Variants in UBE2J2 observed in about 807,000 individuals in gnomAD.
The protein encoded by UBE2J2 is ubiquitin conjugating enzyme E2 J2.
UBE2J2 carries 5 observed loss-of-function variants against 28.6 expected under a neutral mutation model. That is an observed-to-expected ratio of 0.17 (90% CI 0.09 to 0.37). The LOEUF (loss-of-function observed/expected upper bound fraction) is 0.37. UBE2J2 is among the 10% of genes least tolerant of loss of function. The pLI is 1.00. For missense variants in UBE2J2, 226 were observed against 338.9 expected (o/e 0.67, Z 2.62); for synonymous variants, 138 against 139.7 (o/e 0.99, Z 0.09).
At chr1:1,267,354 A>G (rs1489818489) in intron 2 of UBE2J2, among the ~76,000 whole-genome samples, 2 of 152,182 alleles carry the variant, frequency 1.3e-5, no homozygotes, top group Admixed American at 6.5e-5. Context: ...GGGTCGGGGC[A>G]CCTGGCCCAA....
intron 5 of UBE2J2, among the ~76,000 whole-genome samples, chr1:1,256,601 G>A (rs990450220): frequency 1.3e-5 from 2 of 152,178 alleles, no homozygotes; most frequent in African/African-American, 2.4e-5. Flanking sequence ...AGGCAGCTGC[G>A]GCCGGGCGCG....
chr1:1,267,806 G>A, intron 2 of UBE2J2, 56 bp downstream of exon 2: 3 of 1,597,218 alleles, frequency 1.9e-6, no homozygotes, highest in Non-Finnish European at 2.6e-6. Flanking sequence ...GGGGCCGGCA[G>A]AGGCCTGCGT....
chr1:1,273,346 C>A (rs1640261353), intron 1 of UBE2J2: 1 of 152,222 alleles, frequency 6.6e-6, no homozygotes, highest in Non-Finnish European at 1.5e-5. Flanking sequence ...AGCCCTCCCC[C>A]GACACAGACT....
At chr1:1,257,377 C>G in intron 3 of UBE2J2, 67 bp from the exon 4 acceptor site, 1 of 834,618 alleles carries the variant, frequency 1.2e-6, no homozygotes, top group African/African-American at 2.8e-5. Flanking sequence ...AGACCTCGTC[C>G]CCATCCCCCC....
At chr1:1,260,069 G>GCTGCAGCTTCCTCTCTGCACT (rs909870262) in intron 3 of UBE2J2, among the ~76,000 whole-genome samples, 16 of 152,330 alleles carry the variant, frequency 1.1e-4, no homozygotes, top group African/African-American at 3.8e-4. Flanking sequence ...GCAGGGGGAC[G>GCTGCAGCTTCCTCTCTGCACT]CTGCAGCTTC....
At chr1:1,271,095 C>T (rs969378372) in intron 1 of UBE2J2, among the ~76,000 whole-genome samples, 4 of 152,264 alleles carry the variant, frequency 2.6e-5, no homozygotes, top group Non-Finnish European at 5.9e-5. Context: ...CCACACACAA[C>T]GCAGGGCCCT....
chr1:1,273,003 G>T, intron 1 of UBE2J2: 1 of 152,592 alleles, frequency 6.6e-6, no homozygotes, highest in Non-Finnish European at 1.5e-5. Flanking sequence ...TTCCTATCTG[G>T]GTCTGGCAAG....
chr1:1,264,986 C>CA lies in UBE2J2; in HGVS notation c.132-1601dup, dbSNP rs145966384. On this transcript the variant is annotated intron_variant, in intron 2 of 6. Coordinates refer to ENST00000349431, the MANE Select transcript of UBE2J2 (RefSeq NM_058167.3). ...GCAGAGCCAGCTGGTATGTTTTACT[C>CA]AAAAAATGCCATTATCATGTGTCAT... is the stretch of plus-strand genomic sequence containing the variant. Among the ~76,000 whole-genome samples, 199 of 152,256 alleles carry CA rather than the reference C, an allele frequency of 1.3e-3. 3 individuals are homozygous for CA. In the East Asian group the frequency reaches 0.036, roughly 28 times the overall value.
rs1237395619 is a variant in UBE2J2, at chr1:1,265,591, GTTTT to G, written c.132-2209_132-2206del. Among the ~76,000 whole-genome samples the G allele has an allele frequency of 5.2e-4, 73 of 141,326 alleles. No homozygotes were observed. In the East Asian group the frequency reaches 0.014, roughly 28 times the overall value. 92.7% of individuals were successfully genotyped at this position (141,326 alleles called of 152,430 possible). On this transcript the variant is annotated intron_variant, in intron 2 of 6. Transcript: ENST00000349431. ...TGTGTGTGTGTGTGTGTGTGTGTGT[GTTTT>G]CTCTCCATTGTGTGTGTGTGTGTGT...
intron 3 of UBE2J2, among the ~76,000 whole-genome samples, chr1:1,261,839 A>C (rs746859846): frequency 6.6e-6 from 1 of 151,038 alleles, no homozygotes; most frequent in Non-Finnish European, 1.5e-5. Flanking sequence ...TAGTAGAGAC[A>C]AGGTTTCACC....
At chr1:1,272,463 T>C (rs1640201931) in intron 1 of UBE2J2, among the ~76,000 whole-genome samples, 3 of 152,172 alleles carry the variant, frequency 2.0e-5, no homozygotes, top group Admixed American at 2.0e-4. Context: ...GCAGGAAACC[T>C]TGGCCTGACC....
At chr1:1,256,887 A>AG (rs1287829759) in intron 5 of UBE2J2, 105 bp downstream of exon 5, 66 of 1,007,624 alleles carry the variant, frequency 6.6e-5, no homozygotes, top group Admixed American at 9.6e-5. Flanking sequence ...CTCCGTCTCA[A>AG]GAAAAAAAAA....
intron 1 of UBE2J2, among the ~76,000 whole-genome samples, chr1:1,269,954 T>G (rs149592775): frequency 3.3e-5 from 5 of 152,098 alleles, no homozygotes; most frequent in African/African-American, 7.2e-5. Context: ...TAATCCCCCA[T>G]GTTGAGGGAG....
At chr1:1,260,947 A>C (rs1028666889) in intron 3 of UBE2J2, among the ~76,000 whole-genome samples, 3 of 152,242 alleles carry the variant, frequency 2.0e-5, no homozygotes, top group Non-Finnish European at 4.4e-5. Flanking sequence ...CCAGCTCTGA[A>C]CTGTCAGAGT....
At chr1:1,259,731 C>T (rs1324073068) in intron 3 of UBE2J2, among the ~76,000 whole-genome samples, 1 of 152,162 alleles carries the variant, frequency 6.6e-6, no homozygotes, top group Non-Finnish European at 1.5e-5. Flanking sequence ...CCCCACGGAC[C>T]CCACGCCCCA....
intron 1 of UBE2J2, among the ~76,000 whole-genome samples, chr1:1,270,407 T>C (rs1002932774): frequency 3.3e-5 from 5 of 152,146 alleles, no homozygotes; most frequent in Admixed American, 2.0e-4. Context: ...GGCCAGGGCT[T>C]GGCTGCTCAC....
In UBE2J2 at chr1:1,261,944, G is replaced by A. The variant is rs558843244; in HGVS notation, c.172+1402C>T. ...ACGACCTCGGCTCACTGCAACCTCC[G>A]CCTCCCGGGTTCAAGTGATTCTCCT... On this transcript the variant is annotated intron_variant, in intron 3 of 6. Coordinates refer to ENST00000349431, the MANE Select transcript of UBE2J2 (RefSeq NM_058167.3). 1.7e-3 allele frequency among the ~76,000 whole-genome samples: 259 copies of A among 152,148 alleles called. 1 individual carries two copies. Among genetic ancestry groups the A allele is most frequent in the Middle Eastern group, 0.017 (5 of 294 alleles).
intron 1 of UBE2J2, among the ~76,000 whole-genome samples, chr1:1,271,866 C>A (rs1467993604): frequency 2.7e-5 from 4 of 149,790 alleles, no homozygotes; most frequent in Non-Finnish European, 5.9e-5. Context: ...CCCAGCTACT[C>A]GGGTGACTGA....
Position 1,257,162 on chromosome 1 carries a change from C to A in UBE2J2, c.276-32G>T, listed in dbSNP as rs549569950. 4.4e-6 allele frequency: 7 copies of A among 1,604,684 alleles called. No homozygotes were observed. In the African/African-American group the frequency reaches 9.4e-5, roughly 22 times the overall value. ...AACGGGGGCCCCGTCAGTGCACACT[C>A]CCCACCGCAGCCAGAAAGCCTCCGC... On this transcript the variant is annotated intron_variant, in intron 4 of 6. Coordinates refer to ENST00000349431, the MANE Select transcript of UBE2J2 (RefSeq NM_058167.3).
Sources: gnomAD v4.1 joint callset for allele counts (sites outside exome capture counted in the v4.1 genomes callset) on GRCh38, gnomAD v4.1.1 for gene constraint, MANE v1.5 for transcripts, NCBI Gene and HGNC (gene_info 2026-07-23, HGNC 2026-07-21) for gene names.